INPP5A: variants seen among roughly 807,000 people sequenced by gnomAD.
INPP5A encodes inositol polyphosphate-5-phosphatase A, also known as 43 kDa inositol polyphosphate 5-phophatase.
A neutral mutation model predicts 65.2 loss-of-function variants in INPP5A; 14 were observed. That is an observed-to-expected ratio of 0.21 (90% CI 0.14 to 0.34). The LOEUF (loss-of-function observed/expected upper bound fraction) is 0.34. Among genes scored for constraint, INPP5A ranks in the 10% least tolerant of loss-of-function variants. The probability of loss-of-function intolerance (pLI) is 1.00; values close to 1 mark genes in which losing one functional copy is unlikely to be tolerated. For missense variants in INPP5A, 431 were observed against 545.6 expected, an observed-to-expected ratio of 0.79 and a Z score of 2.09; for synonymous variants, 207 against 208.3, an observed-to-expected ratio of 0.99 and a Z score of 0.05.
At position 132,763,367 on chromosome 10, in the gene INPP5A, G is replaced by A. The variant is rs143114254; in HGVS notation, c.904-2406G>A. ...CACCTGAGAAGCCAGCAGGGCCCACGCTGGACTGGGGACGCTGCTGCATCT... is the reference window on the plus strand; with the variant it reads ...CACCTGAGAAGCCAGCAGGGCCCACACTGGACTGGGGACGCTGCTGCATCT... On this transcript the variant is annotated intron_variant, in intron 11 of 15. Transcript: ENST00000368594. Among the ~76,000 whole-genome samples, 759 of 152,372 alleles carry A rather than the reference G, an allele frequency of 5.0e-3. 6 individuals carry two copies. Among genetic ancestry groups the A allele is most frequent in the South Asian group, 0.02 (98 of 4,830 alleles).
intron 2 of INPP5A, among the ~76,000 whole-genome samples, chr10:132,618,663 C>T (rs1305757073): frequency 5.3e-5 from 8 of 152,044 alleles, no homozygotes; most frequent in Admixed American, 3.9e-4. Flanking sequence ...AATTCGCTCA[C>T]GGTTCGCAGG....
intron 1 of INPP5A, among the ~76,000 whole-genome samples, chr10:132,589,921 G>A (rs2071596502): frequency 6.6e-6 from 1 of 152,250 alleles, no homozygotes; most frequent in Admixed American, 6.5e-5. Flanking sequence ...AGCACAGGGA[G>A]GTCACAGAGG....
intron 2 of INPP5A, among the ~76,000 whole-genome samples, chr10:132,642,650 G>A (rs991061455): frequency 3.3e-5 from 5 of 152,126 alleles, no homozygotes; most frequent in Non-Finnish European, 7.3e-5. Flanking sequence ...GCCTTTGTTG[G>A]GCTTTGCTGA....
chr10:132,699,777 C>T (rs1016793111), intron 6 of INPP5A, among the ~76,000 whole-genome samples: 1 of 152,210 alleles, frequency 6.6e-6, no homozygotes, highest in African/African-American at 2.4e-5. Context: ...TCTCTCAGCC[C>T]CGCCCCGAAG....
intron 4 of INPP5A, among the ~76,000 whole-genome samples, chr10:132,681,378 G>GA (rs1564962040): frequency 6.6e-6 from 1 of 152,226 alleles, no homozygotes; most frequent in Admixed American, 6.5e-5. Flanking sequence ...CTGCCTTTAT[G>GA]AGCTGTAACA....
intron 4 of INPP5A, among the ~76,000 whole-genome samples, chr10:132,657,670 C>G (rs899037694): frequency 6.6e-6 from 1 of 152,340 alleles, no homozygotes; most frequent in African/African-American, 2.4e-5. Flanking sequence ...CTTCCACTCT[C>G]GTTCTCCTAA....
intron 1 of INPP5A, among the ~76,000 whole-genome samples, chr10:132,590,219 C>T (rs2133312303): frequency 6.6e-6 from 1 of 152,164 alleles, no homozygotes; most frequent in East Asian, 1.9e-4. Flanking sequence ...ATGGGGCCTC[C>T]TGCAGTGGTC....
At position 132,538,906 on chromosome 10, in the gene INPP5A, T is replaced by C. The variant is rs1201772148; in HGVS notation, c.75+735T>C. On this transcript the variant is annotated intron_variant, in intron 1 of 15. Coordinates refer to ENST00000368594, the MANE Select transcript of INPP5A (RefSeq NM_005539.5). The surrounding 1 kb of genome is among the most constrained non-coding windows in gnomAD (Gnocchi z 4.1). Reference sequence around the variant, plus strand: ...GCCTCTAAAGCCAATCTAGCCTGACTCTGAACCCTGAATTTCAACCTCAGG... The same window carrying C: ...GCCTCTAAAGCCAATCTAGCCTGACCCTGAACCCTGAATTTCAACCTCAGG... Among the ~76,000 whole-genome samples, 1 of 152,120 alleles carries C rather than the reference T, an allele frequency of 6.6e-6. No individual in the cohort carries two copies. The highest frequency in any genetic ancestry group is 2.4e-5 in the African/African-American group (1 of 41,388).
chr10:132,699,863 G>A (rs532661466), intron 6 of INPP5A, among the ~76,000 whole-genome samples: 12 of 152,278 alleles, frequency 7.9e-5, no homozygotes, highest in African/African-American at 9.6e-5. Context: ...CCCAGCAAGC[G>A]GGGAGCTGAG....
At chr10:132,570,310 A>G (rs1045208499) in intron 1 of INPP5A, among the ~76,000 whole-genome samples, 1 of 152,202 alleles carries the variant, frequency 6.6e-6, no homozygotes, top group Non-Finnish European at 1.5e-5. Context: ...CCAGATGACC[A>G]TTTGGGCTCA....
chr10:132,729,510 G>A (rs557372495), intron 9 of INPP5A, among the ~76,000 whole-genome samples: 5 of 152,328 alleles, frequency 3.3e-5, no homozygotes, highest in Non-Finnish European at 5.9e-5. Context: ...ACTGCCTCCC[G>A]GGCCTCAGTG....
At chr10:132,690,306 A>G (rs1260131975) in intron 4 of INPP5A, 86 bp from the exon 5 acceptor site, 5 of 920,926 alleles carry the variant, frequency 5.4e-6, no homozygotes, top group Non-Finnish European at 8.8e-6. Context: ...TAGCTAGTTT[A>G]AAAGAGCTTC....
rs1430349905 is a variant in INPP5A at position 132,547,746 on chromosome 10, G to C, written c.75+9575G>C. 6.6e-6 allele frequency among the ~76,000 whole-genome samples: 1 copy of C among 152,132 alleles called. No homozygotes were observed. The highest frequency in any genetic ancestry group is 1.5e-5 in the Non-Finnish European group (1 of 68,002). On this transcript the variant is annotated intron_variant, in intron 1 of 15. Coordinates refer to ENST00000368594, the MANE Select transcript of INPP5A (RefSeq NM_005539.5). This position sits in a 1 kb window ranked among gnomAD's most constrained non-coding sequence, Gnocchi z 5.5. The stretch of plus-strand genomic sequence containing the variant: ...CAGGGTTTTCCTCCTTCACGGGACA[G>C]CCCGCGTGCCCCCAGCCCTGTGACG...
At chr10:132,751,852 G>A (rs1846486054) in intron 11 of INPP5A, among the ~76,000 whole-genome samples, 1 of 150,830 alleles carries the variant, frequency 6.6e-6, no homozygotes, top group Admixed American at 6.6e-5. Flanking sequence ...GGAGGCGGGT[G>A]CCCAGGAGGT....
intron 1 of INPP5A, among the ~76,000 whole-genome samples, chr10:132,605,463 G>T (rs1250849149): frequency 5.8e-4 from 66 of 114,092 alleles, no homozygotes; most frequent in African/African-American, 2.0e-3. Flanking sequence ...GGAGGGTGTG[G>T]ATCCCTTGGA....
At chr10:132,718,971 CGGGTTCTGTGGT>C (rs1564981125) in intron 8 of INPP5A, among the ~76,000 whole-genome samples, 1 of 115,562 alleles carries the variant, frequency 8.7e-6, no homozygotes, top group African/African-American at 3.4e-5. Context: ...GACTGTCTTG[CGGGTTCTGTGGT>C]ACCTGGGTTC....
chr10:132,647,115 CTTT>C (rs754272955), intron 3 of INPP5A, among the ~76,000 whole-genome samples: 1 of 142,702 alleles, frequency 7.0e-6, no homozygotes. Context: ...TTTTTTTTTT[CTTT>C]TTTTTTTTTT....
At chr10:132,744,921 G>A (rs1006717668) in intron 9 of INPP5A, among the ~76,000 whole-genome samples, 14 of 152,202 alleles carry the variant, frequency 9.2e-5, no homozygotes, top group Admixed American at 7.8e-4. Context: ...CCACGGCACC[G>A]TTGTCCCTCC....
At chr10:132,718,710 G>C (rs1845795654) in intron 8 of INPP5A, among the ~76,000 whole-genome samples, 2 of 149,806 alleles carry the variant, frequency 1.3e-5, no homozygotes, top group Non-Finnish European at 3.0e-5. Context: ...TTAGACGGTT[G>C]TCTGGCGGGT....
Sources: gnomAD v4.1 joint callset for allele counts (sites outside exome capture counted in the v4.1 genomes callset) on GRCh38, gnomAD v4.1.1 for gene constraint, Gnocchi (gnomAD v3.1) non-coding constraint, MANE v1.5 for transcripts, NCBI Gene and HGNC (gene_info 2026-07-23, HGNC 2026-07-21) for gene names.